TNKS: variants seen among roughly 807,000 people sequenced by gnomAD.
TNKS encodes the protein tankyrase.
In TNKS, 72 loss-of-function variants were observed where a neutral mutation model predicts 135.8. The observed-to-expected ratio is 0.53, with a 90% CI of 0.44 to 0.64. The LOEUF is 0.64. Among genes scored for constraint, TNKS ranks in the 30% least tolerant of loss-of-function variants. The pLI, the probability that TNKS is intolerant of heterozygous loss-of-function variation, is 0.00. For synonymous variants in TNKS, 849 were observed against 649.3 expected (o/e 1.31, Z -4.68); for missense variants, 1,769 against 1,674.0 (o/e 1.06, Z -0.99).
intron 20 of TNKS, among the ~76,000 whole-genome samples, chr8:9,754,143 A>G (rs1395139736): frequency 6.6e-6 from 1 of 152,180 alleles, no homozygotes; most frequent in East Asian, 1.9e-4. Flanking sequence ...TTTCGTCTGC[A>G]GACACTTTTC....
intron 11 of TNKS, among the ~76,000 whole-genome samples, chr8:9,713,019 A>G (rs1025086544): frequency 4.6e-5 from 7 of 151,920 alleles, no homozygotes; most frequent in Non-Finnish European, 1.0e-4. Context: ...AAAGAAATTC[A>G]TATATATATA....
chr8:9,590,943 C>G (rs182564258), intron 2 of TNKS, among the ~76,000 whole-genome samples: 2 of 152,160 alleles, frequency 1.3e-5, no homozygotes, highest in Non-Finnish European at 2.9e-5. Context: ...TTTCTGCTTT[C>G]GTTGCTTGTG....
intron 20 of TNKS, among the ~76,000 whole-genome samples, chr8:9,752,895 T>C (rs1806622356): frequency 6.6e-6 from 1 of 151,612 alleles, no homozygotes; most frequent in African/African-American, 2.4e-5. Flanking sequence ...AGCCCAGGAG[T>C]TTGAAACTGC....
rs145079359 is a variant in TNKS, at chr8:9,778,212, C to T, written c.*1476C>T. The T allele has an allele frequency of 3.2e-3, 484 of 152,558 alleles. 3 individuals carry two copies. The highest frequency in any genetic ancestry group is 0.011 in the African/African-American group (448 of 41,520). The allele number at this position is 152,558 out of a possible 1,614,324, so 9.5% of individuals were successfully genotyped here. A position where few individuals can be genotyped will look rare whatever the true frequency, so the allele number is the denominator to read the frequency against. Reference sequence around the variant, plus strand: ...ACCTTAACTGAATATGAATTGAGTGCACTAACTTATTTACTTGATATACTG... The same window carrying T: ...ACCTTAACTGAATATGAATTGAGTGTACTAACTTATTTACTTGATATACTG... On this transcript the variant is annotated 3_prime_UTR_variant, in exon 27 of 27. Transcript: ENST00000310430.
At chr8:9,621,326 C>G (rs866258068) in intron 3 of TNKS, among the ~76,000 whole-genome samples, 2 of 140,224 alleles carry the variant, frequency 1.4e-5, no homozygotes, top group Non-Finnish European at 3.1e-5. Flanking sequence ...TTTTTTGAGA[C>G]GGAGTTTCAC....
At chr8:9,725,116 G>A (rs565865512) in intron 12 of TNKS, among the ~76,000 whole-genome samples, 1 of 152,058 alleles carries the variant, frequency 6.6e-6, no homozygotes, top group African/African-American at 2.4e-5. Context: ...CTATAAATGC[G>A]GTAGTGTATG....
At chr8:9,753,951 T>C (rs912271094) in intron 20 of TNKS, among the ~76,000 whole-genome samples, 4 of 152,240 alleles carry the variant, frequency 2.6e-5, no homozygotes, top group Admixed American at 2.6e-4. Flanking sequence ...ATCTATTCCA[T>C]GCCTCTTCCT....
Position 9,720,524 on chromosome 8 carries a change from G to T in TNKS, c.1900G>T (p.Ala634Ser). 1 of 1,613,198 alleles carries T rather than the reference G, an allele frequency of 6.2e-7. No homozygotes were observed. ...CACAGCAGCACAGATGGGCAATGAAGCAGTGCAGCAGATTCTGAGTGGTGA... is the reference window on the plus strand; with the variant it reads ...CACAGCAGCACAGATGGGCAATGAATCAGTGCAGCAGATTCTGAGTGGTGA... Reference protein sequence around the residue: ...GFTAAQMGNEAVQQILSESTP... With the variant: ...GFTAAQMGNESVQQILSESTP... Residue 634 changes from alanine to serine, a missense_variant, in exon 12 of 27, where the codon GCA becomes TCA. Ala to Ser is a moderately conservative substitution (Grantham distance 99). Transcript: ENST00000310430.
Position 9,761,606 on chromosome 8 carries a change from G to A in TNKS, c.3244G>A (p.Gly1082Arg). The change falls in exon 21 of 27, where the codon GGA becomes AGA. Residue 1082 changes from glycine to arginine, a missense_variant. Gly to Arg is a moderately radical substitution (Grantham distance 125, BLOSUM62 -2). Transcript: ENST00000310430. ...TGGGCACCGCCACAAATTAATCAAA[G>A]GAGTAGAAAGACTCTTAGGTGGACA... ...AYGHRHKLIK[G>R]VERLLGGQQG... 6.3e-7 allele frequency: 1 copy of A among 1,595,880 alleles called. No individual in the cohort carries two copies. The highest frequency in any genetic ancestry group is 8.5e-7 in the Non-Finnish European group (1 of 1,175,684).
chr8:9,630,576 C>A (rs983163365), intron 3 of TNKS, among the ~76,000 whole-genome samples: 2 of 152,110 alleles, frequency 1.3e-5, no homozygotes, highest in African/African-American at 4.8e-5. Flanking sequence ...AGCAAATCCC[C>A]ATCACATTAA....
chr8:9,556,358 C>T lies in TNKS; in HGVS notation c.419C>T (p.Ser140Phe), dbSNP rs760401794. The T allele has an allele frequency of 4.3e-6, 7 of 1,614,256 alleles. No homozygotes were observed. Among genetic ancestry groups the T allele is most frequent in the Admixed American group, 1.7e-5 (1 of 60,028 alleles). Residue 140 changes from serine to phenylalanine, a missense_variant, in exon 1 of 27, where the codon TCT becomes TTT. Transcript: ENST00000310430. ...TCTTCTTCCCCGACTTCTTCCTCAT[C>T]TTCCTCTCCATCCTCCCCTGGATCG... ...SSSSSPTSSSSSSPSSPGSSL... is the reference protein window; with the variant it reads ...SSSSSPTSSSFSSPSSPGSSL...
intron 3 of TNKS, among the ~76,000 whole-genome samples, chr8:9,634,276 T>A (rs1052341773): frequency 5.3e-5 from 8 of 151,878 alleles, no homozygotes; most frequent in Admixed American, 5.2e-4. Context: ...TATTAAAAAA[T>A]AAAATTAAAT....
At chr8:9,606,356 T>A (rs376795922) in intron 2 of TNKS, among the ~76,000 whole-genome samples, 3 of 152,000 alleles carry the variant, frequency 2.0e-5, no homozygotes, top group Non-Finnish European at 4.4e-5. Context: ...CAATTGGAAG[T>A]TATGCTTCAT....
intron 15 of TNKS, among the ~76,000 whole-genome samples, chr8:9,733,728 T>A (rs1206290119): frequency 6.6e-6 from 1 of 152,196 alleles, no homozygotes; most frequent in East Asian, 1.9e-4. Context: ...ACTTATAGTA[T>A]TAATATCAGA....
At chr8:9,680,571 TAATTG>T (rs1802740351) in intron 4 of TNKS, among the ~76,000 whole-genome samples, 149 bp from the exon 5 acceptor site, 1 of 152,182 alleles carries the variant, frequency 6.6e-6, no homozygotes, top group Non-Finnish European at 1.5e-5. Flanking sequence ...AGAAATATAT[TAATTG>T]AATTGAATAT....
intron 3 of TNKS, among the ~76,000 whole-genome samples, chr8:9,624,829 C>T (rs939226486): frequency 6.6e-6 from 1 of 152,080 alleles, no homozygotes; most frequent in African/African-American, 2.4e-5. Flanking sequence ...CATAGTATAA[C>T]CTATGGAGGC....
chr8:9,677,886 G>A (rs1280261399), intron 3 of TNKS, among the ~76,000 whole-genome samples: 2 of 151,922 alleles, frequency 1.3e-5, no homozygotes, highest in Non-Finnish European at 2.9e-5. Flanking sequence ...TTTCACTGTG[G>A]TAGCTTCCTT....
chr8:9,667,389 C>G (rs1174039405), intron 3 of TNKS, among the ~76,000 whole-genome samples: 2 of 152,186 alleles, frequency 1.3e-5, no homozygotes, highest in African/African-American at 4.8e-5. Context: ...AAATTACTTT[C>G]CTACAGCCCT....
At chr8:9,571,565 C>G (rs1034234723) in intron 1 of TNKS, among the ~76,000 whole-genome samples, 1 of 152,172 alleles carries the variant, frequency 6.6e-6, no homozygotes, top group Non-Finnish European at 1.5e-5. Context: ...TCACGCCATT[C>G]TCCTGCCTCA....
Sources: gnomAD v4.1 joint callset for allele counts (sites outside exome capture counted in the v4.1 genomes callset) on GRCh38, gnomAD v4.1.1 for gene constraint, MANE v1.5 for transcripts, NCBI Gene and HGNC (gene_info 2026-07-23, HGNC 2026-07-21) for gene names.